CRACR2A: variants seen among roughly 807,000 people sequenced by gnomAD.
The protein encoded by CRACR2A is EF-hand calcium-binding domain-containing protein 4B.
CRACR2A carries 79 observed loss-of-function variants against 90.5 expected under a neutral mutation model. That is an observed-to-expected ratio of 0.87 (90% CI 0.73 to 1.05). CRACR2A has a LOEUF of 1.05. Ranked by LOEUF, CRACR2A falls within the 50% of genes least tolerant of loss-of-function variation. CRACR2A has a pLI of 0.00. For missense variants in CRACR2A, 823 were observed against 897.2 expected (o/e 0.92, Z 1.06); for synonymous variants, 338 against 356.7 (o/e 0.95, Z 0.59).
At chr12:3,720,300 A>G (rs868411834) in intron 2 of CRACR2A, among the ~76,000 whole-genome samples, 32 of 149,018 alleles carry the variant, frequency 2.1e-4, no homozygotes, top group Middle Eastern at 3.4e-3. Context: ...AAAGAAAAAG[A>G]AAGAAAGAAG....
intron 11 of CRACR2A, among the ~76,000 whole-genome samples, chr12:3,645,257 C>T (rs943385748): frequency 1.3e-5 from 2 of 152,194 alleles, no homozygotes; most frequent in African/African-American, 2.4e-5. Flanking sequence ...AATAAGACAG[C>T]ATTTGCATAG....
At chr12:3,734,417 C>T (rs1946414945) in intron 1 of CRACR2A, among the ~76,000 whole-genome samples, 1 of 152,130 alleles carries the variant, frequency 6.6e-6, no homozygotes, top group Non-Finnish European at 1.5e-5. Context: ...CTGAAAATGG[C>T]ATGGAAGTTC....
intron 4 of CRACR2A, among the ~76,000 whole-genome samples, chr12:3,694,620 TGGG>T (rs2137690501): frequency 6.6e-6 from 1 of 152,202 alleles, no homozygotes; most frequent in Non-Finnish European, 1.5e-5. Flanking sequence ...CCGGGGGGCA[TGGG>T]GACTTTCTGC....
Position 3,629,524 on chromosome 12 carries a change from C to T in CRACR2A, c.1736-1818G>A, listed in dbSNP as rs566203089. ...GGTCATACAGCTTCAGGGCCAGATC[C>T]GAAACCAGCCAGTGCTGCCCGAGGA... On this transcript the variant is annotated intron_variant, in intron 15 of 19. Coordinates refer to ENST00000440314, the MANE Select transcript of CRACR2A (RefSeq NM_001144958.2). Among the ~76,000 whole-genome samples, 24 of 152,344 alleles carry T rather than the reference C, an allele frequency of 1.6e-4. 3 individuals carry two copies. In the South Asian group the frequency reaches 3.5e-3, roughly 22 times the overall value.
At chr12:3,743,521 AG>A (rs925778297) in intron 1 of CRACR2A, among the ~76,000 whole-genome samples, 12 of 152,344 alleles carry the variant, frequency 7.9e-5, no homozygotes, top group Admixed American at 5.2e-4. Flanking sequence ...AGTCAGGCAC[AG>A]GGGGATCAAC....
intron 11 of CRACR2A, among the ~76,000 whole-genome samples, chr12:3,647,349 A>T (rs540443083): frequency 6.3e-4 from 96 of 152,298 alleles, no homozygotes; most frequent in African/African-American, 2.2e-3. Flanking sequence ...GAAAGGCCTC[A>T]GGCCTTTTGT....
chr12:3,643,728 CACATATACACAT>C (rs1250880144), intron 12 of CRACR2A, among the ~76,000 whole-genome samples: 3 of 132,630 alleles, frequency 2.3e-5, no homozygotes, highest in Non-Finnish European at 4.6e-5. Context: ...CATATACACA[CACATATACACAT>C]ACATACATAT....
chr12:3,633,596 G>A lies in CRACR2A; in HGVS notation c.1735+8C>T. ...GGCCTAGGACCCACCTCAGGGATGA[G>A]AACTCACCCACAGTGGCCGCCATGC... On this transcript the variant is annotated splice_region_variant and intron_variant, in intron 15 of 19. Coordinates refer to ENST00000440314, the MANE Select transcript of CRACR2A (RefSeq NM_001144958.2). The surrounding 1 kb of genome is among the most constrained non-coding windows in gnomAD (Gnocchi z 4.5). 3.2e-6 allele frequency: 5 copies of A among 1,551,622 alleles called. No individual in the cohort carries two copies. The highest frequency in any genetic ancestry group is 3.5e-6 in the Non-Finnish European group (4 of 1,146,974).
Position 3,619,356 on chromosome 12 carries a change from C to T in CRACR2A, c.1949G>A (p.Arg650Gln), listed in dbSNP as rs74059406. 1,652 of 1,551,636 alleles carry T rather than the reference C, an allele frequency of 1.1e-3. 16 individuals carry two copies. In the African/African-American group the frequency reaches 0.019, roughly 18 times the overall value. The change falls in exon 18 of 20, where the codon CGG becomes CAG. Residue 650 changes from arginine to glutamine, a missense_variant. Physicochemically the swap from Arg to Gln is conservative, Grantham distance 43. Coordinates refer to ENST00000440314, the MANE Select transcript of CRACR2A (RefSeq NM_001144958.2). The part of the protein sequence containing the change: ...LSSVEEAVGD[R>Q]VPVLLLGNKL... ...ATTACCCAGCAGAAGAACAGGCACC[C>T]GGTCTCCCACAGCTTCCTGCAGAAC...
At chr12:3,658,491 C>T (rs1329637796) in intron 8 of CRACR2A, among the ~76,000 whole-genome samples, 1 of 152,102 alleles carries the variant, frequency 6.6e-6, no homozygotes, top group Non-Finnish European at 1.5e-5. Flanking sequence ...GCAGGAGCAG[C>T]CAGAATGCTT....
intron 13 of CRACR2A, chr12:3,640,847 TGAGCCA>T: frequency 3.1e-6 from 4 of 1,296,328 alleles, no homozygotes; most frequent in Non-Finnish European, 4.1e-6. Flanking sequence ...CAATGAGCAA[TGAGCCA>T]ACCCTTGGGT....
chr12:3,629,533 C>G (rs1326829079), intron 15 of CRACR2A, among the ~76,000 whole-genome samples: 3 of 152,220 alleles, frequency 2.0e-5, no homozygotes, highest in Non-Finnish European at 2.9e-5. Flanking sequence ...CCGAAACCAG[C>G]CAGTGCTGCC....
At chr12:3,752,181 A>G (rs965257683) in intron 1 of CRACR2A, among the ~76,000 whole-genome samples, 3 of 152,142 alleles carry the variant, frequency 2.0e-5, no homozygotes, top group Admixed American at 6.5e-5. Context: ...AATTCCTTTG[A>G]GACTCCTGGT....
intron 14 of CRACR2A, among the ~76,000 whole-genome samples, chr12:3,636,171 G>A (rs1198826611): frequency 6.6e-6 from 1 of 152,158 alleles, no homozygotes; most frequent in African/African-American, 2.4e-5. Context: ...AGCAATAGAA[G>A]TGCTGGTTCA....
chr12:3,731,255 G>A (rs2013195), intron 2 of CRACR2A: 42,146 of 152,166 alleles, frequency 0.28, 6,634 homozygotes, highest in Middle Eastern at 0.43. Flanking sequence ...TCAACTTCCC[G>A]GGAAACTGAG....
intron 4 of CRACR2A, among the ~76,000 whole-genome samples, chr12:3,696,105 A>G (rs1299134765): frequency 6.6e-6 from 1 of 152,282 alleles, no homozygotes; most frequent in Non-Finnish European, 1.5e-5. Context: ...TTATTGGAAC[A>G]CGGCACCCTC....
intron 14 of CRACR2A, among the ~76,000 whole-genome samples, chr12:3,635,795 C>T (rs1418816550): frequency 6.6e-6 from 1 of 151,976 alleles, no homozygotes; most frequent in African/African-American, 2.4e-5. Flanking sequence ...CATGGCCTCC[C>T]AAAGTGCTGG....
intron 19 of CRACR2A, 78 bp from the exon 20 acceptor site, chr12:3,615,517 T>C (rs553994090): frequency 7.9e-7 from 1 of 1,266,992 alleles, no homozygotes; most frequent in African/African-American, 1.5e-5. Flanking sequence ...CAAGCTACCC[T>C]CAGGTTACAG....
Position 3,679,106 on chromosome 12 carries a change from G to A in CRACR2A, c.341-8C>T, listed in dbSNP as rs758087215. On this transcript the variant is annotated splice_polypyrimidine_tract_variant and splice_region_variant and intron_variant, in intron 5 of 19. Transcript: ENST00000440314. ...GGCTGAAGAAGAAGTGACCTGGGGG[G>A]TGCAGGGCACAAGGATCCGAATTAG... The A allele has an allele frequency of 5.6e-6, 9 of 1,608,812 alleles. No homozygotes were observed. In the East Asian group the frequency reaches 1.3e-4, roughly 24 times the overall value.
Sources: gnomAD v4.1 joint callset for allele counts (sites outside exome capture counted in the v4.1 genomes callset) on GRCh38, gnomAD v4.1.1 for gene constraint, Gnocchi (gnomAD v3.1) non-coding constraint, MANE v1.5 for transcripts, NCBI Gene and HGNC (gene_info 2026-07-23, HGNC 2026-07-21) for gene names.